Variants in RTN4IP1 observed in about 807,000 individuals in gnomAD.
RTN4IP1 encodes reticulon 4 interacting protein 1.
RTN4IP1 carries 32 observed loss-of-function variants against 46.6 expected under a neutral mutation model. That is an observed-to-expected ratio of 0.69 (90% confidence interval 0.52 to 0.92). RTN4IP1 has a LOEUF of 0.92. Ranked by LOEUF, RTN4IP1 falls within the 40% of genes least tolerant of loss-of-function variation. RTN4IP1 has a pLI of 0.00. For synonymous variants in RTN4IP1, 167 were observed against 161.8 expected, an observed-to-expected ratio of 1.03 and a Z score of -0.24; for missense variants, 424 against 485.8, an observed-to-expected ratio of 0.87 and a Z score of 1.20.
rs368903260 is a variant in RTN4IP1 at position 106,587,835 on chromosome 6, G to A, written c.834C>T (p.Gly278=). 9 of 1,612,836 alleles carry A rather than the reference G, an allele frequency of 5.6e-6. No homozygotes were observed. The highest frequency in any genetic ancestry group is 4.5e-5 in the East Asian group (2 of 44,872). Residue 278 remains glycine, a synonymous_variant, in exon 7 of 9, where the codon GGC becomes GGT. Transcript: ENST00000369063. The part of the protein sequence containing the change: ...KPFDFILDNV[G]GSTETWAPDF... ...CTGGAGCCCATGTTTCAGTGGATCC[G>A]CCAACATTATCAAGGATAAAATCAA...
intron 4 of RTN4IP1, among the ~76,000 whole-genome samples, chr6:106,614,060 C>T (rs1448839302): frequency 1.3e-5 from 2 of 152,170 alleles, no homozygotes; most frequent in Non-Finnish European, 2.9e-5. Context: ...CCCTGACCAC[C>T]TTGGGTGCAT....
At chr6:106,579,968 A>G (rs955697706) in intron 8 of RTN4IP1, among the ~76,000 whole-genome samples, 9 of 151,844 alleles carry the variant, frequency 5.9e-5, no homozygotes, top group African/African-American at 1.9e-4. Flanking sequence ...TAATCCCAAC[A>G]CTTTGGGAGG....
upstream of RTN4IP1, chr6:106,629,662 G>T: frequency 6.2e-7 from 1 of 1,601,484 alleles, no homozygotes; most frequent in Non-Finnish European, 8.5e-7. Context: ...TCCTGTGGTG[G>T]CAGGCTGGGC....
intron 7 of RTN4IP1, among the ~76,000 whole-genome samples, chr6:106,583,831 C>G (rs1775423307): frequency 6.6e-6 from 1 of 152,096 alleles, no homozygotes; most frequent in South Asian, 2.1e-4. Context: ...TCACCAAATT[C>G]AAAAATGTTT....
intron 4 of RTN4IP1, among the ~76,000 whole-genome samples, chr6:106,611,937 T>C (rs909837712): frequency 6.6e-6 from 1 of 152,230 alleles, no homozygotes. Flanking sequence ...GACGAAGAAC[T>C]TTATACACAG....
At chr6:106,574,366 C>T (rs9486418) in intron 8 of RTN4IP1, among the ~76,000 whole-genome samples, 21,347 of 151,540 alleles carry the variant, frequency 0.14, 1,721 homozygotes, top group African/African-American at 0.21. Context: ...TTACTTGAAC[C>T]CGGGAGGTGG....
intron 5 of RTN4IP1, among the ~76,000 whole-genome samples, chr6:106,596,206 TA>T (rs1775786640): frequency 6.6e-6 from 1 of 151,682 alleles, no homozygotes; most frequent in Non-Finnish European, 1.5e-5. Context: ...GCTACTTCTC[TA>T]AGAAGCCCTG....
chr6:106,623,277 G>A (rs1047678827), intron 1 of RTN4IP1, among the ~76,000 whole-genome samples: 1 of 152,128 alleles, frequency 6.6e-6, no homozygotes, highest in African/African-American at 2.4e-5. Context: ...TGGAACTGGG[G>A]GCCATTATCC....
intron 4 of RTN4IP1, among the ~76,000 whole-genome samples, chr6:106,617,067 G>A (rs1175466436): frequency 6.6e-6 from 1 of 152,162 alleles, no homozygotes; most frequent in Non-Finnish European, 1.5e-5. Flanking sequence ...GAGGACAAGC[G>A]AGAAAGCACT....
At chr6:106,603,199 C>T (rs1455821010) in intron 4 of RTN4IP1, among the ~76,000 whole-genome samples, 1 of 152,114 alleles carries the variant, frequency 6.6e-6, no homozygotes, top group Non-Finnish European at 1.5e-5. Flanking sequence ...CTCAGATGGT[C>T]CTTTGTAATA....
chr6:106,592,415 G>T, intron 5 of RTN4IP1, 115 bp from the exon 6 acceptor site: 2 of 1,088,584 alleles, frequency 1.8e-6, no homozygotes, highest in Non-Finnish European at 1.3e-6. Context: ...AATCTCTAGA[G>T]AACTTTAAGT....
In RTN4IP1 at chr6:106,584,556, G is replaced by T. The variant is rs1775441204; in HGVS notation, c.991-1136C>A. On this transcript the variant is annotated intron_variant, in intron 7 of 8. Coordinates refer to ENST00000369063, the MANE Select transcript of RTN4IP1 (RefSeq NM_032730.5). Reference sequence around the variant, plus strand: ...CTAGTTGCATTATTTTTGTTTTGTTGTTTTTTTTAGTTATGTTATTTTTGT... The same window carrying T: ...CTAGTTGCATTATTTTTGTTTTGTTTTTTTTTTTAGTTATGTTATTTTTGT... Among the ~76,000 whole-genome samples the T allele has an allele frequency of 2.0e-5, 3 of 151,956 alleles. No homozygotes were observed. The South Asian group carries it at 6.2e-4, about 32-fold the overall frequency.
At chr6:106,629,500 G>A, upstream of RTN4IP1, 2 of 821,580 alleles carry the variant, frequency 2.4e-6, no homozygotes, top group East Asian at 2.8e-5. Flanking sequence ...TGGCTTTGCG[G>A]CGCCAACCAA....
intron 4 of RTN4IP1, among the ~76,000 whole-genome samples, chr6:106,605,230 T>G (rs1776033420): frequency 6.6e-6 from 1 of 151,734 alleles, no homozygotes; most frequent in South Asian, 2.1e-4. Flanking sequence ...GGGCAAGAGA[T>G]CGAGAACATC....
intron 1 of RTN4IP1, 48 bp downstream of exon 1, chr6:106,628,700 T>A: frequency 6.5e-7 from 1 of 1,540,048 alleles, no homozygotes; most frequent in Non-Finnish European, 8.9e-7. Context: ...GCATACCTTA[T>A]GAAAGTGATT....
chr6:106,583,554 CAG>C, intron 7 of RTN4IP1, 134 bp from the exon 8 acceptor site: 1 of 667,768 alleles, frequency 1.5e-6, no homozygotes. Context: ...AATGTGTGCA[CAG>C]CACCTTGGCA....
chr6:106,619,175 G>C (rs761113326), intron 4 of RTN4IP1, 27 bp downstream of exon 4: 1 of 1,612,490 alleles, frequency 6.2e-7, no homozygotes, highest in Admixed American at 1.7e-5. Flanking sequence ...AAGAGGTTTA[G>C]ATGCTGCCAC....
intron 1 of RTN4IP1, among the ~76,000 whole-genome samples, chr6:106,627,896 C>T (rs1776690007): frequency 6.9e-6 from 1 of 145,670 alleles, no homozygotes; most frequent in Admixed American, 6.9e-5. Context: ...AGTGAAACTC[C>T]CGTTTCTATA....
rs898504436 is a variant in RTN4IP1, at chr6:106,629,452, G to A, written c.-431C>T. The A allele has an allele frequency of 4.9e-6, 3 of 612,702 alleles. No homozygotes were observed. The African/African-American group carries it at 5.6e-5, about 11-fold the overall frequency. 38.0% of individuals were successfully genotyped at this position (612,702 alleles called of 1,614,324 possible). A position where few individuals can be genotyped will look rare whatever the true frequency, so the allele number is the denominator to read the frequency against. ...CGACTGCCGCCGCGACCCTGGCCCG[G>A]AATCTCCTTGCCTGCCCGCTCTCCT... On this transcript the variant is annotated 5_prime_UTR_variant, in exon 1 of 9. Transcript: ENST00000369063.
Sources: allele counts gnomAD v4.1 joint callset (sites outside exome capture counted in the v4.1 genomes callset), GRCh38; gene constraint gnomAD v4.1.1; transcripts MANE v1.5; gene names NCBI Gene and HGNC (gene_info 2026-07-23, HGNC 2026-07-21).